The following TXNRD2 variants were observed in gnomAD, a reference collection of about 807,000 sequenced individuals.
TXNRD2 encodes thioredoxin reductase 2.
Under a neutral mutation model 70.8 loss-of-function variants are expected in TXNRD2, and 67 were observed. That is an observed-to-expected ratio of 0.95 (90% CI 0.78 to 1.16). The LOEUF (loss-of-function observed/expected upper bound fraction) is 1.16. Ranked by LOEUF, TXNRD2 falls within the 50% of genes most tolerant of loss-of-function variation. The pLI is 0.00. For synonymous variants in TXNRD2, 301 were observed against 295.8 expected (o/e 1.02, Z -0.18); for missense variants, 644 against 719.9 (o/e 0.89, Z 1.21).
At chr22:19,896,223 G>A (rs1326874667) in intron 10 of TXNRD2, among the ~76,000 whole-genome samples, 1 of 148,524 alleles carries the variant, frequency 6.7e-6, no homozygotes, top group African/African-American at 2.5e-5. Flanking sequence ...GCGTGAACCC[G>A]GGAGGTGGAG....
At position 19,918,985 on chromosome 22, in the gene TXNRD2, G is replaced by A. The variant is rs375701461; in HGVS notation, c.249C>T (p.Gly83=). The change falls in exon 4 of 18, where the codon GGC becomes GGT. Residue 83 remains glycine (G), a synonymous_variant. Transcript: ENST00000400521. ...PSPQGTRWGL[G]GTCVNVGCIP... is the part of the protein sequence containing the mutation. ...TGCAGCCCACGTTGACGCAGGTGCC[G>A]CCGAGGCCCCACCGGGTGCCTGGGA... is the stretch of plus-strand genomic sequence containing the variant. The A allele has an allele frequency of 1.5e-5, 24 of 1,610,996 alleles. No individual in the cohort carries two copies. Among genetic ancestry groups the A allele is most frequent in the South Asian group, 2.2e-5 (2 of 91,040 alleles).
intron 11 of TXNRD2, 164 bp from the exon 12 acceptor site, chr22:19,883,625 G>T: frequency 3.1e-6 from 3 of 966,128 alleles, no homozygotes; most frequent in Non-Finnish European, 3.2e-6. Context: ...ATCACCTGAG[G>T]TCATGAGTTC....
At chr22:19,920,597 GAA>G (rs3081735) in intron 2 of TXNRD2, among the ~76,000 whole-genome samples, 58,102 of 134,888 alleles carry the variant, frequency 0.43, 12,084 homozygotes, top group African/African-American at 0.55. Flanking sequence ...AAGAAAGAAA[GAA>G]AAAAAAAAAA....
intron 13 of TXNRD2, 136 bp from the exon 14 acceptor site, chr22:19,880,407 C>T (rs1938712794): frequency 2.1e-6 from 2 of 954,902 alleles, no homozygotes; most frequent in South Asian, 1.4e-5. Context: ...CAGTAGGCGA[C>T]CCACCTGCCC....
intron 8 of TXNRD2, among the ~76,000 whole-genome samples, chr22:19,909,867 ACACCACT>A (rs1480373334): frequency 1.6e-4 from 14 of 90,254 alleles, no homozygotes; most frequent in African/African-American, 9.0e-4. Flanking sequence ...CACCACACAC[ACACCACT>A]CACACACACC....
chr22:19,904,685 GC>G (rs1405096615), intron 8 of TXNRD2, among the ~76,000 whole-genome samples: 2 of 152,222 alleles, frequency 1.3e-5, no homozygotes, highest in Admixed American at 1.3e-4. Context: ...CCTCGTGCAC[GC>G]CGCAGAGCCC....
chr22:19,915,295 A>G lies in TXNRD2; in HGVS notation c.529-19T>C. 1.2e-6 allele frequency: 2 copies of G among 1,611,534 alleles called. No individual in the cohort carries two copies. Among genetic ancestry groups the G allele is most frequent in the Non-Finnish European group, 1.7e-6 (2 of 1,178,892 alleles). ...GCAGAATCTGAGGAGAAAAAGAGAA[A>G]GCCGTGGGTCAGACAGGTGCATGGT... On this transcript the variant is annotated intron_variant, in intron 6 of 17. Transcript: ENST00000400521.
chr22:19,909,014 G>A (rs937488160), intron 8 of TXNRD2, among the ~76,000 whole-genome samples: 3 of 152,054 alleles, frequency 2.0e-5, no homozygotes, highest in African/African-American at 7.2e-5. Context: ...AGACCAGCCT[G>A]GCCAACATGG....
chr22:19,902,572 G>A (rs1569086506), intron 8 of TXNRD2, among the ~76,000 whole-genome samples: 1 of 152,214 alleles, frequency 6.6e-6, no homozygotes, highest in Admixed American at 6.5e-5. Flanking sequence ...GGCTGGGGGT[G>A]CTACGAAGGC....
intron 1 of TXNRD2, among the ~76,000 whole-genome samples, chr22:19,939,665 G>T (rs143721127): frequency 2.0e-5 from 3 of 152,012 alleles, no homozygotes; most frequent in Non-Finnish European, 2.9e-5. Flanking sequence ...TGTTACTATG[G>T]GTTATAAATA....
intron 2 of TXNRD2, among the ~76,000 whole-genome samples, chr22:19,925,833 C>T (rs768890993): frequency 2.5e-4 from 38 of 151,686 alleles, no homozygotes; most frequent in Non-Finnish European, 4.0e-4. Context: ...ATTAGGACTT[C>T]ACCAAAATTT....
At chr22:19,900,488 C>T (rs1196131437) in intron 8 of TXNRD2, among the ~76,000 whole-genome samples, 1 of 152,200 alleles carries the variant, frequency 6.6e-6, no homozygotes, top group East Asian at 1.9e-4. Context: ...CGGTGGCTCA[C>T]GCCTGTAATC....
chr22:19,941,664 G>A, intron 1 of TXNRD2, 37 bp downstream of exon 1: 2 of 1,440,474 alleles, frequency 1.4e-6, no homozygotes, highest in Non-Finnish European at 1.8e-6. Flanking sequence ...CCGGCCGCGC[G>A]GACACCTACC....
chr22:19,915,747 A>AC lies in TXNRD2; in HGVS notation c.528+17_528+18insG. On this transcript the variant is annotated intron_variant, in intron 6 of 17. Coordinates refer to ENST00000400521, the MANE Select transcript of TXNRD2 (RefSeq NM_006440.5). ...AGAAGGGTCCACAAGGAGCCACGCG[A>AC]GTAAGTCAGATGCTCACCTCTTTCC... is the stretch of plus-strand genomic sequence containing the variant. 1 of 1,613,668 alleles carries AC rather than the reference A, an allele frequency of 6.2e-7. No homozygotes were observed. The highest frequency in any genetic ancestry group is 8.5e-7 in the Non-Finnish European group (1 of 1,179,522).
chr22:19,937,537 A>G (rs1038489702), intron 1 of TXNRD2, among the ~76,000 whole-genome samples: 5 of 152,200 alleles, frequency 3.3e-5, no homozygotes, highest in African/African-American at 7.2e-5. Flanking sequence ...TTACCTGATC[A>G]TGAGGTGTTG....
At chr22:19,897,054 C>G (rs537367464) in intron 10 of TXNRD2, among the ~76,000 whole-genome samples, 1 of 152,326 alleles carries the variant, frequency 6.6e-6, no homozygotes, top group South Asian at 2.1e-4. Flanking sequence ...GCCAGCTCAC[C>G]CTCCCCACAT....
intron 2 of TXNRD2, among the ~76,000 whole-genome samples, chr22:19,921,106 CAAAA>C (rs33910378): frequency 2.4e-5 from 2 of 84,302 alleles, no homozygotes; most frequent in Non-Finnish European, 2.3e-5. Context: ...GACTCTGTCT[CAAAA>C]AAAAAAAAAA....
chr22:19,898,725 C>T (rs1278458233), intron 9 of TXNRD2, among the ~76,000 whole-genome samples: 1 of 151,856 alleles, frequency 6.6e-6, no homozygotes, highest in Non-Finnish European at 1.5e-5. Context: ...CCAGGCCCTC[C>T]TGCAGCTCCT....
intron 8 of TXNRD2, among the ~76,000 whole-genome samples, chr22:19,909,923 A>T (rs559702033): frequency 0.02 from 1,791 of 88,626 alleles, 39 homozygotes; most frequent in Middle Eastern, 0.03. Flanking sequence ...CACCCTTCAC[A>T]CACACACACC....
Sources: allele counts gnomAD v4.1 joint callset (sites outside exome capture counted in the v4.1 genomes callset), GRCh38; gene constraint gnomAD v4.1.1; transcripts MANE v1.5; gene names NCBI Gene and HGNC (gene_info 2026-07-23, HGNC 2026-07-21).